KDM3A: variants seen among roughly 807,000 people sequenced by gnomAD.
The protein encoded by KDM3A is lysine-specific demethylase 3A.
Under a neutral mutation model 158.0 loss-of-function variants are expected in KDM3A, and 60 were observed. The ratio of observed to expected loss-of-function variants is 0.38; its 90% CI spans 0.31 to 0.47. The LOEUF (loss-of-function observed/expected upper bound fraction) is 0.47, where lower values mean the gene tolerates loss of function less well. Ranked by LOEUF, KDM3A falls within the 20% of genes least tolerant of loss-of-function variation. KDM3A has a pLI of 0.99. For synonymous variants in KDM3A, 608 were observed against 549.3 expected (o/e 1.11, Z -1.49); for missense variants, 1,319 against 1,574.3 (o/e 0.84, Z 2.74).
intron 8 of KDM3A, among the ~76,000 whole-genome samples, chr2:86,463,650 C>G (rs1673015185): frequency 6.6e-6 from 1 of 152,220 alleles, no homozygotes; most frequent in South Asian, 2.1e-4. Context: ...TCCTGCCAAA[C>G]TATGCAGTAA....
At chr2:86,450,151 A>G (rs76258845) in intron 3 of KDM3A, among the ~76,000 whole-genome samples, 189 bp downstream of exon 3, 20,245 of 152,238 alleles carry the variant, frequency 0.13, 1,468 homozygotes, top group Non-Finnish European at 0.16. Context: ...TCACTTGACA[A>G]ATAGGGATGG....
intron 11 of KDM3A, among the ~76,000 whole-genome samples, chr2:86,474,213 T>C (rs1413122742): frequency 6.6e-6 from 1 of 152,194 alleles, no homozygotes; most frequent in African/African-American, 2.4e-5. Flanking sequence ...AATATACCTC[T>C]CTCCCCTTCT....
chr2:86,448,059 CAT>C (rs1176384426), intron 2 of KDM3A, among the ~76,000 whole-genome samples: 2 of 152,216 alleles, frequency 1.3e-5, no homozygotes, highest in African/African-American at 2.4e-5. Context: ...TGATAGAAAA[CAT>C]ATAACCAGGG....
intron 11 of KDM3A, 75 bp from the exon 12 acceptor site, chr2:86,474,701 T>TTGAGTG: frequency 2.3e-6 from 1 of 427,002 alleles, no homozygotes; most frequent in East Asian, 4.0e-5. Context: ...TGTAAATAAG[T>TTGAGTG]TGTGTGTGTG....
At chr2:86,448,224 G>T (rs1683032923) in intron 2 of KDM3A, among the ~76,000 whole-genome samples, 1 of 152,226 alleles carries the variant, frequency 6.6e-6, no homozygotes, top group Non-Finnish European at 1.5e-5. Flanking sequence ...TGCATGTTTT[G>T]TTGGCTGAGA....
chr2:86,473,235 T>G (rs887590821), intron 11 of KDM3A, among the ~76,000 whole-genome samples: 1 of 152,230 alleles, frequency 6.6e-6, no homozygotes, highest in Admixed American at 6.5e-5. Context: ...CATAGCTCAC[T>G]GTGTAACCTC....
At chr2:86,483,772 T>G (rs1674051675) in intron 18 of KDM3A, 3 of 420,094 alleles carry the variant, frequency 7.1e-6, no homozygotes, top group Admixed American at 4.1e-5. Flanking sequence ...TGCTTACCCA[T>G]GTAGTTTGAG....
At chr2:86,450,990 T>TA (rs1191576387) in intron 3 of KDM3A, 113 bp from the exon 4 acceptor site, 20 of 610,620 alleles carry the variant, frequency 3.3e-5, no homozygotes, top group South Asian at 1.2e-4. Context: ...TTGCAGTAAA[T>TA]AAAAAAAATT....
At position 86,480,332 on chromosome 2, in the gene KDM3A, A is replaced by C. The variant is rs1359617406; in HGVS notation, c.2482A>C (p.Thr828Pro). The C allele has an allele frequency of 1.2e-6, 2 of 1,613,186 alleles. No individual in the cohort carries two copies. The highest frequency in any genetic ancestry group is 1.7e-6 in the Non-Finnish European group (2 of 1,179,394). The part of the protein sequence containing the change: ...TSPLNWLADL[T>P]SGNVNKENKE... ...TCCTCTAAACTGGCTGGCCGACCTAACCAGCGGGAATGTCAACAAGGAAAA... is the reference window on the plus strand; with the variant it reads ...TCCTCTAAACTGGCTGGCCGACCTACCCAGCGGGAATGTCAACAAGGAAAA... The change falls in exon 16 of 26, where the codon ACC becomes CCC. Residue 828 changes from threonine to proline, a missense_variant. Thr to Pro is a conservative substitution (Grantham distance 38, BLOSUM62 -1). Transcript: ENST00000312912.
chr2:86,439,400 A>G (rs1053632134), upstream of KDM3A, among the ~76,000 whole-genome samples: 1 of 152,090 alleles, frequency 6.6e-6, no homozygotes, highest in Non-Finnish European at 1.5e-5. Context: ...GTTCCTAAGT[A>G]TAATTGAACC....
intron 7 of KDM3A, 50 bp from the exon 8 acceptor site, chr2:86,456,933 A>T (rs759761775): frequency 1.9e-6 from 3 of 1,563,938 alleles, no homozygotes; most frequent in Admixed American, 1.7e-5. Context: ...CGTTCTTCTC[A>T]CATTAAGAGA....
chr2:86,467,972 G>T (rs1673231569), intron 10 of KDM3A, among the ~76,000 whole-genome samples: 1 of 152,194 alleles, frequency 6.6e-6, no homozygotes, highest in African/African-American at 2.4e-5. Context: ...GCTGCGGTGA[G>T]TTATGATTGT....
chr2:86,479,599 T>C (rs1223305433), intron 15 of KDM3A: 1 of 152,204 alleles, frequency 6.6e-6, no homozygotes, highest in Admixed American at 6.5e-5. Context: ...TTTTTCCTCC[T>C]TCTTATGTAT....
rs1284874973 is a variant in KDM3A, at chr2:86,489,309, T to G, written c.3314-9T>G. 6.2e-7 allele frequency: 1 copy of G among 1,611,418 alleles called. No homozygotes were observed. The highest frequency in any genetic ancestry group is 8.5e-7 in the Non-Finnish European group (1 of 1,178,890). The stretch of plus-strand genomic sequence containing the variant: ...CTTTTGTAAAACTTAAGGCACTTTG[T>G]TTTTGCAGGATTAATCACTCCTGAA... On this transcript the variant is annotated splice_polypyrimidine_tract_variant and intron_variant, in intron 21 of 25. Transcript: ENST00000312912.
intron 18 of KDM3A, 105 bp downstream of exon 18, chr2:86,482,799 C>T: frequency 1.0e-6 from 1 of 985,246 alleles, no homozygotes; most frequent in Middle Eastern, 3.1e-4. Flanking sequence ...CCTTCACCTC[C>T]TGTTTTATTC....
intron 2 of KDM3A, chr2:86,443,341 G>C (rs1682820354): frequency 6.6e-6 from 1 of 152,216 alleles, no homozygotes; most frequent in African/African-American, 2.4e-5. Flanking sequence ...CACTTTCAGG[G>C]TGACAGTGTA....
intron 18 of KDM3A, chr2:86,483,129 G>T: frequency 6.2e-6 from 1 of 162,046 alleles, no homozygotes. Flanking sequence ...GTGTCACATA[G>T]TCCCCAGGTG....
chr2:86,447,378 A>G (rs917431455), intron 2 of KDM3A, among the ~76,000 whole-genome samples: 4 of 150,706 alleles, frequency 2.7e-5, no homozygotes, highest in African/African-American at 9.8e-5. Context: ...TAAGCTTTAG[A>G]TAGTGATCTG....
intron 8 of KDM3A, among the ~76,000 whole-genome samples, chr2:86,461,230 ATCT>A (rs1021764009): frequency 2.0e-5 from 3 of 152,010 alleles, no homozygotes; most frequent in Non-Finnish European, 4.4e-5. Context: ...TGCTCTCCAA[ATCT>A]TCTCCTTGGT....
Sources: allele counts gnomAD v4.1 joint callset (sites outside exome capture counted in the v4.1 genomes callset), GRCh38; gene constraint gnomAD v4.1.1; transcripts MANE v1.5; gene names NCBI Gene and HGNC (gene_info 2026-07-23, HGNC 2026-07-21).